Variants in CNTN6 observed in about 807,000 individuals in gnomAD.
CNTN6 encodes contactin 6, also known as contactin-6.
Under a neutral mutation model 122.8 loss-of-function variants are expected in CNTN6, and 137 were observed. That is an observed-to-expected ratio of 1.12 (90% confidence interval 0.97 to 1.29). CNTN6 has a LOEUF of 1.29. CNTN6 is among the 50% of genes most tolerant of loss of function. CNTN6 has a pLI of 0.00. For missense variants in CNTN6, 1,634 were observed against 1,223.4 expected (o/e 1.34, Z -5.01); for synonymous variants, 570 against 426.0 (o/e 1.34, Z -4.16).
chr3:1,400,163 A>G (rs901349890), intron 20 of CNTN6, among the ~76,000 whole-genome samples: 6 of 152,112 alleles, frequency 3.9e-5, no homozygotes, highest in African/African-American at 1.4e-4. Flanking sequence ...ACTCAGCCTC[A>G]CAAATTCAAA....
At chr3:1,377,866 T>G (rs995935968) in intron 17 of CNTN6, among the ~76,000 whole-genome samples, 2 of 152,176 alleles carry the variant, frequency 1.3e-5, no homozygotes, top group Non-Finnish European at 2.9e-5. Flanking sequence ...CGTTTGACTT[T>G]GGTGTGCTCT....
chr3:1,161,538 C>CAT (rs907439847), intron 2 of CNTN6, among the ~76,000 whole-genome samples: 1 of 151,616 alleles, frequency 6.6e-6, no homozygotes, highest in Non-Finnish European at 1.5e-5. Flanking sequence ...TGTGTATATA[C>CAT]ATATATATAC....
intron 20 of CNTN6, among the ~76,000 whole-genome samples, chr3:1,393,879 T>A (rs1200871686): frequency 3.3e-5 from 5 of 152,196 alleles, no homozygotes; most frequent in Non-Finnish European, 7.3e-5. Flanking sequence ...TTCTGTATGA[T>A]ATATACATAT....
intron 1 of CNTN6, among the ~76,000 whole-genome samples, chr3:1,135,915 C>T (rs916067912): frequency 1.2e-4 from 18 of 152,094 alleles, no homozygotes; most frequent in African/African-American, 4.3e-4. Context: ...TCACTTGAAC[C>T]TGGGAGGCGG....
At chr3:1,220,839 A>G in intron 3 of CNTN6, 26 bp downstream of exon 3, 3 of 1,575,176 alleles carry the variant, frequency 1.9e-6, no homozygotes, top group Non-Finnish European at 1.7e-6. Flanking sequence ...TGGGCACCAC[A>G]CTATTTTGTT....
chr3:1,242,588 G>A (rs557632397), intron 4 of CNTN6, among the ~76,000 whole-genome samples: 3 of 152,240 alleles, frequency 2.0e-5, no homozygotes, highest in Admixed American at 6.5e-5. Flanking sequence ...AGATTTTAAC[G>A]GGATGGTAAT....
At chr3:1,208,546 G>T (rs1257899203) in intron 2 of CNTN6, among the ~76,000 whole-genome samples, 1 of 151,936 alleles carries the variant, frequency 6.6e-6, no homozygotes, top group African/African-American at 2.4e-5. Flanking sequence ...TTTTGGTGTA[G>T]TACTTATCCT....
At chr3:1,107,327 AAT>A (rs2091273868) in intron 1 of CNTN6, among the ~76,000 whole-genome samples, 1 of 152,126 alleles carries the variant, frequency 6.6e-6, no homozygotes, top group African/African-American at 2.4e-5. Context: ...CCCATTTCAA[AAT>A]ATGATTGTTC....
At chr3:1,138,945 G>A (rs1269746086) in intron 1 of CNTN6, among the ~76,000 whole-genome samples, 1 of 151,550 alleles carries the variant, frequency 6.6e-6, no homozygotes, top group Non-Finnish European at 1.5e-5. Context: ...ATCTCTTCTA[G>A]CTTTCTGTGA....
intron 20 of CNTN6, among the ~76,000 whole-genome samples, chr3:1,387,924 C>A (rs534134473): frequency 1.3e-5 from 2 of 152,194 alleles, no homozygotes; most frequent in South Asian, 4.1e-4. Flanking sequence ...CCCACGGAAT[C>A]TCGCTGATTG....
rs564886599 is a variant in CNTN6, at chr3:1,388,398, A to G, written c.2704+2601A>G. ...AACAAACAGAAAGGACATCCACACCAAAAACCCATCTGTACATCACCATCA... is the reference window on the plus strand; with the variant it reads ...AACAAACAGAAAGGACATCCACACCGAAAACCCATCTGTACATCACCATCA... On this transcript the variant is annotated intron_variant, in intron 20 of 22. Coordinates refer to ENST00000446702, the MANE Select transcript of CNTN6 (RefSeq NM_001289080.2). 4.9e-3 allele frequency among the ~76,000 whole-genome samples: 726 copies of G among 149,594 alleles called. 6 individuals carry two copies. The highest frequency in any genetic ancestry group is 0.011 in the African/African-American group (438 of 40,530).
In CNTN6 at chr3:1,290,540, G is replaced by A. The variant is rs181948879; in HGVS notation, c.455-5061G>A. On this transcript the variant is annotated intron_variant, in intron 5 of 22. Transcript: ENST00000446702. The stretch of plus-strand genomic sequence containing the variant: ...TGTTATGGGAAAGGGGTTCAGATCC[G>A]GACTCCATGAGAGGGTTCTTGGATC... 7.2e-4 allele frequency among the ~76,000 whole-genome samples: 110 copies of A among 152,258 alleles called. 3 individuals are homozygous for A. The highest frequency in any genetic ancestry group is 4.7e-4 in the Non-Finnish European group (32 of 68,010).
rs71619483 is a variant in CNTN6 at position 1,280,459 on chromosome 3, A to ATTTTTTTTTTTTTTTTTTTTTTTTTTT, written c.454+1974_454+1975insTTTTTTTTTTTTTTTTTTTTTTTTTTT. The stretch of plus-strand genomic sequence containing the variant: ...GTAATGGCAAACTTGTGTAATACCA[A>ATTTTTTTTTTTTTTTTTTTTTTTTTTT]TTTTTTTTTTTTTTTTTTTTTTTGT... On this transcript the variant is annotated intron_variant, in intron 5 of 22. Transcript: ENST00000446702. Among the ~76,000 whole-genome samples the ATTTTTTTTTTTTTTTTTTTTTTTTTTT allele has an allele frequency of 9.6e-4, 64 of 66,622 alleles. 17 individuals carry two copies. Among genetic ancestry groups the ATTTTTTTTTTTTTTTTTTTTTTTTTTT allele is most frequent in the South Asian group, 1.8e-3 (3 of 1,692 alleles). 43.7% of individuals were successfully genotyped at this position (66,622 alleles called of 152,430 possible).
intron 12 of CNTN6, among the ~76,000 whole-genome samples, chr3:1,355,523 T>G (rs1706406544): frequency 6.6e-6 from 1 of 151,764 alleles, no homozygotes; most frequent in Admixed American, 6.6e-5. Context: ...GTACATCAAT[T>G]CAACCATTTT....
At chr3:1,095,028 C>T (rs1452477280) in intron 1 of CNTN6, among the ~76,000 whole-genome samples, 2 of 151,792 alleles carry the variant, frequency 1.3e-5, no homozygotes, top group South Asian at 2.1e-4. Context: ...ATACTGGTGC[C>T]TAAATTCAGA....
chr3:1,262,147 G>T (rs1171317892), intron 4 of CNTN6, among the ~76,000 whole-genome samples: 1 of 152,120 alleles, frequency 6.6e-6, no homozygotes, highest in Non-Finnish European at 1.5e-5. Flanking sequence ...CCTCTTTTCT[G>T]CAGTTACAGA....
intron 1 of CNTN6, among the ~76,000 whole-genome samples, chr3:1,099,400 G>A (rs931094462): frequency 1.5e-4 from 23 of 152,234 alleles, no homozygotes; most frequent in South Asian, 4.1e-4. Context: ...GCAGTGAGCC[G>A]AGATTGAGCC....
rs533346285 is a variant in CNTN6, at chr3:1,186,600, A to G, written c.56-34087A>G. On this transcript the variant is annotated intron_variant, in intron 2 of 22. Transcript: ENST00000446702. ...GGGAGTTAGGGCTCTTTCATCTTTT[A>G]TTTGCAAAGTGAAAAGCAAAATTGA... 5.9e-5 allele frequency among the ~76,000 whole-genome samples: 9 copies of G among 152,048 alleles called. No homozygotes were observed. The South Asian group carries it at 1.9e-3, about 32-fold the overall frequency.
intron 17 of CNTN6, among the ~76,000 whole-genome samples, chr3:1,380,705 C>G (rs900808708): frequency 1.3e-5 from 2 of 152,158 alleles, no homozygotes. Flanking sequence ...CCACATACCA[C>G]TTACAAACAT....
Sources: allele counts gnomAD v4.1 joint callset (sites outside exome capture counted in the v4.1 genomes callset), GRCh38; gene constraint gnomAD v4.1.1; transcripts MANE v1.5; gene names NCBI Gene and HGNC (gene_info 2026-07-23, HGNC 2026-07-21).